Variants in IMMP1L observed in about 807,000 individuals in gnomAD.
The protein encoded by IMMP1L is mitochondrial inner membrane protease subunit 1.
A neutral mutation model predicts 21.8 loss-of-function variants in IMMP1L; 24 were observed. The observed-to-expected ratio is 1.10, with a 90% CI of 0.80 to 1.55. The LOEUF is 1.55. IMMP1L is among the 40% of genes most tolerant of loss of function. The pLI is 0.00. For synonymous variants in IMMP1L, 46 were observed against 62.8 expected (o/e 0.73, Z 1.26); for missense variants, 195 against 200.7 (o/e 0.97, Z 0.17).
chr11:31,477,622 T>C (rs1489531068), intron 1 of IMMP1L: 21 of 837,722 alleles, frequency 2.5e-5, no homozygotes, highest in East Asian at 1.2e-4. Context: ...CTGCCAGTTA[T>C]AGCGCCAGGT....
chr11:31,442,994 T>C (rs1243926841), intron 4 of IMMP1L, among the ~76,000 whole-genome samples: 2 of 152,144 alleles, frequency 1.3e-5, no homozygotes, highest in East Asian at 3.8e-4. Flanking sequence ...AAAAAGTCTA[T>C]ATGATGAATG....
intron 1 of IMMP1L, among the ~76,000 whole-genome samples, chr11:31,465,151 T>A (rs1954288332): frequency 6.6e-6 from 1 of 151,980 alleles, no homozygotes; most frequent in Non-Finnish European, 1.5e-5. Flanking sequence ...AGGAATGATC[T>A]AGCTGAGTAA....
intron 2 of IMMP1L, among the ~76,000 whole-genome samples, chr11:31,460,987 C>T (rs1954121651): frequency 6.6e-6 from 1 of 152,138 alleles, no homozygotes; most frequent in Admixed American, 6.5e-5. Flanking sequence ...TTAGGCCACC[C>T]TATAGAATCT....
intron 1 of IMMP1L, among the ~76,000 whole-genome samples, chr11:31,508,879 A>T (rs1000336594): frequency 1.4e-4 from 21 of 152,246 alleles, no homozygotes; most frequent in Non-Finnish European, 2.5e-4. Context: ...TTGGTATTTT[A>T]GTAATAAACT....
At chr11:31,485,752 T>C (rs1047458118) in intron 1 of IMMP1L, among the ~76,000 whole-genome samples, 2 of 151,854 alleles carry the variant, frequency 1.3e-5, no homozygotes, top group African/African-American at 4.8e-5. Flanking sequence ...ACAGTAGCTC[T>C]GAGGACAAAA....
chr11:31,497,751 G>C (rs1002376456), intron 1 of IMMP1L, among the ~76,000 whole-genome samples: 1 of 151,992 alleles, frequency 6.6e-6, no homozygotes, highest in Non-Finnish European at 1.5e-5. Context: ...CACCCGGCGG[G>C]GTACAATATT....
chr11:31,484,172 C>G (rs566997166), intron 1 of IMMP1L, among the ~76,000 whole-genome samples: 35 of 151,954 alleles, frequency 2.3e-4, no homozygotes, highest in African/African-American at 8.4e-4. Context: ...TTTTCAACTA[C>G]TAACATATTA....
Position 31,509,608 on chromosome 11 carries a change from T to C in IMMP1L, c.-119A>G. The C allele has an allele frequency of 1.5e-6, 1 of 662,632 alleles. No individual in the cohort carries two copies. The allele number at this position is 662,632 out of a possible 1,614,324, so 41.0% of individuals were successfully genotyped here. On this transcript the variant is annotated 5_prime_UTR_variant, in exon 1 of 6. Coordinates refer to ENST00000532287, the MANE Select transcript of IMMP1L (RefSeq NM_001304274.2). ...CCCGCCGAAGTCGACCGTCCTTTCGTAGGGCGCACTTTTCAGCAATACGCC... is the reference window on the plus strand; with the variant it reads ...CCCGCCGAAGTCGACCGTCCTTTCGCAGGGCGCACTTTTCAGCAATACGCC...
intron 4 of IMMP1L, among the ~76,000 whole-genome samples, chr11:31,439,624 C>T (rs1019548622): frequency 2.0e-5 from 3 of 152,170 alleles, no homozygotes; most frequent in Non-Finnish European, 4.4e-5. Flanking sequence ...TGGACACTCA[C>T]TTGCTGAGTA....
chr11:31,437,380 T>C (rs764258903), intron 4 of IMMP1L, among the ~76,000 whole-genome samples: 5 of 152,176 alleles, frequency 3.3e-5, no homozygotes, highest in Non-Finnish European at 5.9e-5. Context: ...TGTGAAGTCA[T>C]ATGTGGAATT....
chr11:31,437,444 T>C (rs1310106419), intron 4 of IMMP1L, among the ~76,000 whole-genome samples: 3 of 152,222 alleles, frequency 2.0e-5, no homozygotes, highest in South Asian at 4.1e-4. Flanking sequence ...TGGGAGCATA[T>C]TGGATTTCGC....
At chr11:31,464,224 G>T (rs1226965249) in intron 1 of IMMP1L, among the ~76,000 whole-genome samples, 1 of 148,544 alleles carries the variant, frequency 6.7e-6, no homozygotes, top group South Asian at 2.1e-4. Flanking sequence ...TTATAGACAA[G>T]AAAAAAAAAG....
At chr11:31,501,662 T>C (rs553619052) in intron 1 of IMMP1L, among the ~76,000 whole-genome samples, 4 of 152,028 alleles carry the variant, frequency 2.6e-5, no homozygotes, top group Admixed American at 6.6e-5. Context: ...GTTTTAGAAA[T>C]GAAAATAATG....
At chr11:31,444,698 C>A (rs1591952211) in intron 4 of IMMP1L, among the ~76,000 whole-genome samples, 1 of 151,636 alleles carries the variant, frequency 6.6e-6, no homozygotes, top group Non-Finnish European at 1.5e-5. Context: ...CAAGCGATTC[C>A]CCTGCCTCAG....
chr11:31,481,002 G>A (rs1954876142), intron 1 of IMMP1L, among the ~76,000 whole-genome samples: 1 of 151,958 alleles, frequency 6.6e-6, no homozygotes, highest in Non-Finnish European at 1.5e-5. Flanking sequence ...ACACAAACAT[G>A]GAATGAAGAT....
chr11:31,464,515 G>A (rs1954263973), intron 1 of IMMP1L, among the ~76,000 whole-genome samples: 1 of 152,074 alleles, frequency 6.6e-6, no homozygotes, highest in South Asian at 2.1e-4. Context: ...AATCCCCAAT[G>A]AGCTCAGATG....
Position 31,500,025 on chromosome 11 carries a change from T to C in IMMP1L, c.-30+9494A>G, listed in dbSNP as rs1324329149. 2.0e-5 allele frequency among the ~76,000 whole-genome samples: 3 copies of C among 152,018 alleles called. No individual in the cohort carries two copies. In the East Asian group the frequency reaches 5.8e-4, roughly 29 times the overall value. ...AGAATTTGGTCTCCAAGTATGGAGGTTGGAGAGCTAGGTTAGGGGCCTCCT... is the reference window on the plus strand; with the variant it reads ...AGAATTTGGTCTCCAAGTATGGAGGCTGGAGAGCTAGGTTAGGGGCCTCCT... On this transcript the variant is annotated intron_variant, in intron 1 of 5. Transcript: ENST00000532287.
intron 2 of IMMP1L, 87 bp downstream of exon 2, chr11:31,463,085 T>A: frequency 9.9e-7 from 1 of 1,007,338 alleles, no homozygotes; most frequent in Non-Finnish European, 1.4e-6. Flanking sequence ...TAACTTCAAC[T>A]AGGTTTTCAA....
intron 1 of IMMP1L, among the ~76,000 whole-genome samples, chr11:31,486,067 TTG>T (rs1491139820): frequency 2.6e-5 from 4 of 151,666 alleles, no homozygotes; most frequent in African/African-American, 9.7e-5. Flanking sequence ...CTTTTTTTTT[TTG>T]TAATGACCTC....
Sources: allele counts gnomAD v4.1 joint callset (sites outside exome capture counted in the v4.1 genomes callset), GRCh38; gene constraint gnomAD v4.1.1; transcripts MANE v1.5; gene names NCBI Gene and HGNC (gene_info 2026-07-23, HGNC 2026-07-21).